Variants in SLC68A1 observed in about 807,000 individuals in gnomAD.
SLC68A1 encodes solute carrier family 68 member 1.
At chr10:102,475,707 GCT>G in the SLC68A1 span, 115 of 1,568,830 alleles carry the variant, frequency 7.3e-5, no homozygotes, top group South Asian at 1.3e-3. Flanking sequence ...GTCTTTCTGT[GCT>G]CTCTTGTCCT....
chr10:102,468,952 C>G, the SLC68A1 span: 3 of 1,313,688 alleles, frequency 2.3e-6, no homozygotes, highest in Non-Finnish European at 3.1e-6. Flanking sequence ...CCTTCTTCCC[C>G]AGGGACGAGG....
chr10:102,472,767 G>C, the SLC68A1 span: 22,123 of 950,842 alleles, frequency 0.023, 793 homozygotes, highest in South Asian at 0.12. Flanking sequence ...TGGGGAGTTG[G>C]GGGGGATGTG....
the SLC68A1 span, among the ~76,000 whole-genome samples, chr10:102,469,552 GT>G: frequency 1.4e-4 from 20 of 147,826 alleles, no homozygotes; most frequent in East Asian, 4.0e-4. Context: ...AGGTTTTTTT[GT>G]TTTTTTTTTT....
At chr10:102,473,586 T>C in the SLC68A1 span, 6 of 1,610,404 alleles carry the variant, frequency 3.7e-6, no homozygotes, top group Non-Finnish European at 5.1e-6. Flanking sequence ...CCTATGTCGC[T>C]CCCCATCTCA....
the SLC68A1 span, chr10:102,473,923 C>A: frequency 1.1e-5 from 17 of 1,613,944 alleles, no homozygotes; most frequent in East Asian, 2.2e-5. Context: ...GCAGCCTCGG[C>A]ACTCCTCTTT....
the SLC68A1 span, chr10:102,476,541 T>C: frequency 1.0e-6 from 1 of 986,112 alleles, no homozygotes; most frequent in Non-Finnish European, 1.2e-6. Context: ...TCCACTGCCT[T>C]CCTCTAGTGC....
At chr10:102,476,080 T>G in the SLC68A1 span, 5 of 1,288,366 alleles carry the variant, frequency 3.9e-6, no homozygotes, top group Non-Finnish European at 4.0e-6. Context: ...TCATAGTTTT[T>G]TTTTTTTTTT....
At chr10:102,475,838 CTGCTGG>C in the SLC68A1 span, 1 of 1,613,972 alleles carries the variant, frequency 6.2e-7, no homozygotes, top group African/African-American at 1.3e-5. Flanking sequence ...CTGCTTCTAC[CTGCTGG>C]TGCTGGTGCC....
chr10:102,475,729 C>T, the SLC68A1 span: 59 of 1,598,050 alleles, frequency 3.7e-5, no homozygotes, highest in South Asian at 5.0e-4. Flanking sequence ...TAGGTCATGA[C>T]CTCTTCCAGC....
the SLC68A1 span, among the ~76,000 whole-genome samples, chr10:102,473,159 G>A: frequency 6.6e-4 from 101 of 152,134 alleles, 1 homozygote; most frequent in African/African-American, 2.4e-3. Flanking sequence ...AAGTGCTGCC[G>A]GGTGCAGTGG....
chr10:102,469,870 G>T, the SLC68A1 span: 11 of 1,448,518 alleles, frequency 7.6e-6, no homozygotes, highest in Non-Finnish European at 1.0e-5. Flanking sequence ...ACTGACACCA[G>T]CAAAGGTTTG....
chr10:102,473,217 C>G, the SLC68A1 span, among the ~76,000 whole-genome samples: 1 of 151,998 alleles, frequency 6.6e-6, no homozygotes, highest in East Asian at 1.9e-4. Flanking sequence ...GGAGGCTGTG[C>G]TGGTGTGGGT....
chr10:102,464,808 G>A, the SLC68A1 span, among the ~76,000 whole-genome samples: 1 of 139,356 alleles, frequency 7.2e-6, no homozygotes, highest in Non-Finnish European at 1.6e-5. Flanking sequence ...AAAAAAAAGA[G>A]GAAAAAGAAA....
chr10:102,466,715 C>T, the SLC68A1 span, among the ~76,000 whole-genome samples: 4 of 152,224 alleles, frequency 2.6e-5, no homozygotes, highest in South Asian at 8.3e-4. Context: ...GGCTGGGGAC[C>T]TTGTGTTCAG....
chr10:102,469,072 A>G, the SLC68A1 span: 1 of 1,613,960 alleles, frequency 6.2e-7, no homozygotes, highest in South Asian at 1.1e-5. Context: ...GGGTCTGCCC[A>G]CAGCTGTGGT....
the SLC68A1 span, chr10:102,476,047 TTTTGG>T: frequency 1.4e-6 from 2 of 1,383,492 alleles, no homozygotes; most frequent in Non-Finnish European, 1.9e-6. Context: ...AGCCAGTTTT[TTTTGG>T]TTTTTTTTTT....
At chr10:102,469,284 C>T in the SLC68A1 span, 1 of 1,359,106 alleles carries the variant, frequency 7.4e-7, no homozygotes, top group South Asian at 1.2e-5. Flanking sequence ...ATTGCAGGTG[C>T]CTGGTCCCAC....
chr10:102,471,103 G>A, the SLC68A1 span: 1 of 1,613,426 alleles, frequency 6.2e-7, no homozygotes. Flanking sequence ...GCTCAGGCCT[G>A]GTTGTGGATA....
the SLC68A1 span, chr10:102,474,032 C>A: frequency 6.3e-7 from 1 of 1,575,354 alleles, no homozygotes; most frequent in Non-Finnish European, 8.6e-7. Flanking sequence ...TGGTAGCAGG[C>A]AAGGGCTCTT....
Sources: allele counts gnomAD v4.1 joint callset (sites outside exome capture counted in the v4.1 genomes callset), GRCh38; gene constraint gnomAD v4.1.1; transcripts MANE v1.5; gene names NCBI Gene and HGNC (gene_info 2026-07-23, HGNC 2026-07-21).